DPYD: variants seen among roughly 807,000 people sequenced by gnomAD.
The protein encoded by DPYD is dihydropyrimidine dehydrogenase, also known as dihydropyrimidine dehydrogenase [NADP(+)].
DPYD carries 109 observed loss-of-function variants against 116.2 expected under a neutral mutation model. That is an observed-to-expected ratio of 0.94 (90% CI 0.80 to 1.10). The LOEUF is 1.10. Ranked by LOEUF, DPYD falls within the 50% of genes least tolerant of loss-of-function variation. DPYD has a pLI of 0.00. For missense variants in DPYD, 1,302 were observed against 1,254.5 expected (o/e 1.04, Z -0.57); for synonymous variants, 440 against 432.0 (o/e 1.02, Z -0.23).
At chr1:97,455,930 G>A (rs1483301485) in intron 13 of DPYD, among the ~76,000 whole-genome samples, 2 of 151,690 alleles carry the variant, frequency 1.3e-5, no homozygotes, top group African/African-American at 4.8e-5. Context: ...TTGTCATCAG[G>A]AACTTCAGAC....
intron 12 of DPYD, among the ~76,000 whole-genome samples, chr1:97,549,211 C>T (rs2786524): frequency 0.025 from 3,824 of 152,060 alleles, 163 homozygotes; most frequent in African/African-American, 0.087. Context: ...GTACCACAGG[C>T]GTGTGCCACC....
intron 3 of DPYD, among the ~76,000 whole-genome samples, chr1:97,823,506 C>G (rs1368307615): frequency 6.6e-6 from 1 of 152,160 alleles, no homozygotes; most frequent in African/African-American, 2.4e-5. Flanking sequence ...CACTACTCTC[C>G]CAAGCTTCTG....
At chr1:97,301,150 T>G (rs910069450) in intron 18 of DPYD, among the ~76,000 whole-genome samples, 7 of 152,070 alleles carry the variant, frequency 4.6e-5, no homozygotes, top group Non-Finnish European at 8.8e-5. Flanking sequence ...AAATACACAG[T>G]CATTTACTGG....
At chr1:97,639,301 G>A (rs1382240045) in intron 8 of DPYD, among the ~76,000 whole-genome samples, 2 of 152,076 alleles carry the variant, frequency 1.3e-5, no homozygotes, top group African/African-American at 4.8e-5. Flanking sequence ...ATTGCTTACT[G>A]TTATTGATAA....
At chr1:97,470,498 G>C in intron 13 of DPYD, among the ~76,000 whole-genome samples, 1 of 152,072 alleles carries the variant, frequency 6.6e-6, no homozygotes, top group East Asian at 1.9e-4. Context: ...CCTCTCTATG[G>C]AAGTAATATG....
At chr1:97,338,433 G>C (rs1669413098) in intron 16 of DPYD, among the ~76,000 whole-genome samples, 1 of 152,050 alleles carries the variant, frequency 6.6e-6, no homozygotes, top group East Asian at 1.9e-4. Flanking sequence ...CAACAGGTCT[G>C]AAGCTAATAT....
At chr1:97,662,563 G>A (rs530953658) in intron 8 of DPYD, among the ~76,000 whole-genome samples, 1 of 152,128 alleles carries the variant, frequency 6.6e-6, no homozygotes, top group South Asian at 2.1e-4. Flanking sequence ...AATCCAGGAG[G>A]CAGAGTTTGC....
intron 18 of DPYD, among the ~76,000 whole-genome samples, chr1:97,262,530 A>G (rs532918103): frequency 6.6e-6 from 1 of 152,250 alleles, no homozygotes; most frequent in South Asian, 2.1e-4. Flanking sequence ...AAGACAATTA[A>G]TTTTAACTTT....
intron 8 of DPYD, among the ~76,000 whole-genome samples, chr1:97,615,365 T>C (rs1255162416): frequency 6.6e-6 from 1 of 152,240 alleles, no homozygotes; most frequent in African/African-American, 2.4e-5. Context: ...CTAGACACTA[T>C]GCTGGGTGTC....
chr1:97,786,715 T>C (rs1220548903), intron 3 of DPYD, among the ~76,000 whole-genome samples: 1 of 152,242 alleles, frequency 6.6e-6, no homozygotes, highest in Admixed American at 6.5e-5. Context: ...TGAAGGCCAA[T>C]ATTAAATTAC....
intron 22 of DPYD, among the ~76,000 whole-genome samples, chr1:97,079,731 T>C (rs1320515718): frequency 2.0e-5 from 3 of 152,158 alleles, no homozygotes; most frequent in Non-Finnish European, 4.4e-5. Context: ...AAACACTGAA[T>C]GGAGAGCCAG....
At chr1:97,399,943 C>T (rs1410137280) in intron 14 of DPYD, among the ~76,000 whole-genome samples, 1 of 151,998 alleles carries the variant, frequency 6.6e-6, no homozygotes, top group East Asian at 1.9e-4. Context: ...CCTTTATTTC[C>T]TTCTCCTGCC....
At chr1:97,852,983 T>C (rs1486841394) in intron 2 of DPYD, among the ~76,000 whole-genome samples, 4 of 152,176 alleles carry the variant, frequency 2.6e-5, no homozygotes, top group Non-Finnish European at 5.9e-5. Context: ...CTTTGTATCA[T>C]GACATCACTT....
At chr1:97,530,529 T>C (rs1224723233) in intron 12 of DPYD, among the ~76,000 whole-genome samples, 2 of 152,238 alleles carry the variant, frequency 1.3e-5, no homozygotes, top group Non-Finnish European at 2.9e-5. Flanking sequence ...TATCCATTTA[T>C]CTATCAGTAG....
Position 97,096,906 on chromosome 1 carries a change from G to GTA in DPYD, c.2766+1581_2766+1582dup, listed in dbSNP as rs201678644. 3.4e-4 allele frequency among the ~76,000 whole-genome samples: 52 copies of GTA among 152,208 alleles called. 1 individual carries two copies. In the East Asian group the frequency reaches 0.01, roughly 29 times the overall value. ...TGGGTCCTTGCCACATTTAAGAGCT[G>GTA]TAACACTCACTGCGAAGGTCCACGG... On this transcript the variant is annotated intron_variant, in intron 21 of 22. Transcript: ENST00000370192.
intron 8 of DPYD, among the ~76,000 whole-genome samples, chr1:97,615,533 A>C (rs1415869072): frequency 1.3e-5 from 2 of 152,140 alleles, no homozygotes; most frequent in African/African-American, 4.8e-5. Context: ...TCATTTCTAC[A>C]ATCACCAAAT....
chr1:97,692,374 TCA>T (rs143094971), intron 6 of DPYD, among the ~76,000 whole-genome samples: 14,327 of 152,000 alleles, frequency 0.094, 747 homozygotes, highest in Middle Eastern at 0.11. Context: ...TTCCAAAAGT[TCA>T]GTCATTAAAA....
chr1:97,107,252 T>C (rs560858399), intron 20 of DPYD, among the ~76,000 whole-genome samples: 1 of 152,238 alleles, frequency 6.6e-6, no homozygotes, highest in East Asian at 1.9e-4. Context: ...ATCAGATTCT[T>C]GACTTTTAAA....
At chr1:97,343,570 T>C (rs1669691766) in intron 16 of DPYD, among the ~76,000 whole-genome samples, 1 of 152,032 alleles carries the variant, frequency 6.6e-6, no homozygotes, top group South Asian at 2.1e-4. Flanking sequence ...AGCAGCAAAA[T>C]AATGTTTCTC....
Sources: gnomAD v4.1 joint callset for allele counts (sites outside exome capture counted in the v4.1 genomes callset) on GRCh38, gnomAD v4.1.1 for gene constraint, MANE v1.5 for transcripts, NCBI Gene and HGNC (gene_info 2026-07-23, HGNC 2026-07-21) for gene names.